TIAM2: variants seen among roughly 807,000 people sequenced by gnomAD.
The protein encoded by TIAM2 is rho guanine nucleotide exchange factor TIAM2.
TIAM2 carries 80 observed loss-of-function variants against 152.9 expected under a neutral mutation model. The observed-to-expected ratio is 0.52, with a 90% CI of 0.44 to 0.63. TIAM2 has a LOEUF of 0.63. Ranked by LOEUF, TIAM2 falls within the 30% of genes least tolerant of loss-of-function variation. The pLI is 0.00. For missense variants in TIAM2, 1,965 were observed against 2,120.1 expected, an observed-to-expected ratio of 0.93 and a Z score of 1.44; for synonymous variants, 804 against 838.0, an observed-to-expected ratio of 0.96 and a Z score of 0.70.
At chr6:155,116,416 T>C (rs1779012369) in intron 2 of TIAM2, among the ~76,000 whole-genome samples, 1 of 143,758 alleles carries the variant, frequency 7.0e-6, no homozygotes, top group Admixed American at 6.7e-5. Context: ...GCAAAAACCC[T>C]TGTTGAAGTA....
chr6:155,240,771 G>C (rs755503332), intron 16 of TIAM2, 62 bp downstream of exon 16: 12 of 1,536,154 alleles, frequency 7.8e-6, no homozygotes, highest in Non-Finnish European at 1.1e-5. Context: ...TGGTATGCTG[G>C]CAGAGGTCCC....
intron 1 of TIAM2, among the ~76,000 whole-genome samples, chr6:155,029,438 T>TTATATATTATA (rs1562295102): frequency 6.2e-5 from 2 of 32,176 alleles, no homozygotes; most frequent in Non-Finnish European, 1.1e-4. Context: ...ATAGTATATA[T>TTATATATTATA]TATACTATAG....
At chr6:155,023,103 G>T (rs1776532275) in intron 1 of TIAM2, among the ~76,000 whole-genome samples, 1 of 136,684 alleles carries the variant, frequency 7.3e-6, no homozygotes, top group Admixed American at 7.4e-5. Context: ...CTTGGCAAAT[G>T]AATTTATTTC....
At chr6:155,225,018 C>T (rs969155451) in intron 15 of TIAM2, among the ~76,000 whole-genome samples, 2 of 152,142 alleles carry the variant, frequency 1.3e-5, no homozygotes, top group African/African-American at 2.4e-5. Context: ...TGAAATGGTG[C>T]GATCTTGGCT....
chr6:155,164,216 C>T (rs1412665623), intron 7 of TIAM2, among the ~76,000 whole-genome samples, 199 bp from the exon 8 acceptor site: 1 of 143,882 alleles, frequency 7.0e-6, no homozygotes, highest in African/African-American at 2.5e-5. Flanking sequence ...CTTCAGTGAT[C>T]TGCCTGCCTC....
intron 2 of TIAM2, among the ~76,000 whole-genome samples, chr6:155,102,166 T>C (rs1041628629): frequency 1.3e-5 from 2 of 151,896 alleles, no homozygotes; most frequent in African/African-American, 4.8e-5. Flanking sequence ...CTGGCTAATT[T>C]TGGGGCAGAA....
intron 1 of TIAM2, among the ~76,000 whole-genome samples, chr6:155,030,057 T>C (rs907753918): frequency 2.0e-5 from 3 of 152,040 alleles, no homozygotes; most frequent in Non-Finnish European, 2.9e-5. Flanking sequence ...CCTCCCAGAG[T>C]GCTGGGATTA....
chr6:155,221,110 G>T (rs1372105640), intron 15 of TIAM2, among the ~76,000 whole-genome samples: 19 of 98,908 alleles, frequency 1.9e-4, no homozygotes, highest in East Asian at 6.1e-4. Flanking sequence ...CTTTCATCTT[G>T]TTTTTTTTTT....
At chr6:155,224,955 ATTTGTTTG>A (rs746662314) in intron 15 of TIAM2, among the ~76,000 whole-genome samples, 2 of 151,890 alleles carry the variant, frequency 1.3e-5, no homozygotes, top group Admixed American at 6.6e-5. Context: ...TTTTCTATTT[ATTTGTTTG>A]TTTGTTTGTT....
intron 9 of TIAM2, 73 bp downstream of exon 9, chr6:155,165,482 A>G (rs957028249): frequency 1.9e-5 from 30 of 1,539,310 alleles, no homozygotes; most frequent in African/African-American, 4.1e-5. Flanking sequence ...CCTGCTATGA[A>G]TCATCAATGT....
At chr6:155,076,339 G>A (rs991932259) in intron 1 of TIAM2, among the ~76,000 whole-genome samples, 2 of 152,110 alleles carry the variant, frequency 1.3e-5, no homozygotes, top group African/African-American at 4.8e-5. Flanking sequence ...ACCATCTACA[G>A]TCATTTTCTC....
At chr6:155,235,903 C>A (rs1484767386) in intron 15 of TIAM2, among the ~76,000 whole-genome samples, 1 of 152,110 alleles carries the variant, frequency 6.6e-6, no homozygotes, top group Non-Finnish European at 1.5e-5. Flanking sequence ...TTTTTGACAT[C>A]CCAGTGAAGC....
rs78349955 is a variant in TIAM2, at chr6:155,203,658, T to C, written c.3065-7546T>C. ...TTTCAGTCTTAGAAAATTATTCTTC[T>C]GTAGTTTTCACATCAGAAGGGGTTT... On this transcript the variant is annotated intron_variant, in intron 14 of 26. Transcript: ENST00000682666. 6.6e-5 allele frequency among the ~76,000 whole-genome samples: 10 copies of C among 152,352 alleles called. No homozygotes were observed. The East Asian group carries it at 1.7e-3, about 26-fold the overall frequency.
intron 2 of TIAM2, among the ~76,000 whole-genome samples, chr6:155,110,318 C>T (rs9384286): frequency 0.21 from 28,123 of 133,536 alleles, 3,250 homozygotes; most frequent in South Asian, 0.44. Context: ...TCTTTCTTTT[C>T]TTTTTTTTTT....
intron 1 of TIAM2, among the ~76,000 whole-genome samples, chr6:155,030,162 A>T (rs1776796428): frequency 6.6e-6 from 1 of 152,060 alleles, no homozygotes; most frequent in Admixed American, 6.6e-5. Context: ...ATATTACCTT[A>T]TGATAACTTT....
intron 14 of TIAM2, among the ~76,000 whole-genome samples, chr6:155,193,523 G>A (rs541856568): frequency 5.9e-5 from 9 of 152,136 alleles, no homozygotes; most frequent in Non-Finnish European, 1.3e-4. Flanking sequence ...TACCAATACC[G>A]TCAGGCTCAT....
chr6:155,124,609 G>A (rs973582955), intron 2 of TIAM2, among the ~76,000 whole-genome samples: 7 of 152,210 alleles, frequency 4.6e-5, no homozygotes, highest in Non-Finnish European at 1.0e-4. Context: ...GGGATTACAG[G>A]CATGAGCCAC....
intron 14 of TIAM2, among the ~76,000 whole-genome samples, chr6:155,188,474 T>C (rs1781109705): frequency 6.6e-6 from 1 of 152,220 alleles, no homozygotes; most frequent in South Asian, 2.1e-4. Flanking sequence ...TTATTCACAG[T>C]GGAGAGAGGA....
At chr6:155,215,394 A>G (rs552555938) in intron 15 of TIAM2, among the ~76,000 whole-genome samples, 4 of 152,346 alleles carry the variant, frequency 2.6e-5, no homozygotes, top group East Asian at 3.9e-4. Context: ...AATAACATCA[A>G]CGAACACAGA....
Sources: allele counts gnomAD v4.1 joint callset (sites outside exome capture counted in the v4.1 genomes callset), GRCh38; gene constraint gnomAD v4.1.1; transcripts MANE v1.5; gene names NCBI Gene and HGNC (gene_info 2026-07-23, HGNC 2026-07-21).